Variants in AOAH observed in about 807,000 individuals in gnomAD.
AOAH encodes acyloxyacyl hydrolase.
A neutral mutation model predicts 92.2 loss-of-function variants in AOAH; 64 were observed. The ratio of observed to expected loss-of-function variants is 0.69; its 90% CI spans 0.57 to 0.86. AOAH has a LOEUF of 0.86. AOAH is among the 40% of genes least tolerant of loss of function. The pLI is 0.00. For missense variants in AOAH, 656 were observed against 694.6 expected, an observed-to-expected ratio of 0.94 and a Z score of 0.62; for synonymous variants, 263 against 254.5, an observed-to-expected ratio of 1.03 and a Z score of -0.32.
At chr7:36,655,245 G>A (rs1388900258) in intron 4 of AOAH, among the ~76,000 whole-genome samples, 5 of 152,200 alleles carry the variant, frequency 3.3e-5, no homozygotes, top group African/African-American at 7.2e-5. Flanking sequence ...TTAAATGCAT[G>A]AATACACATA....
chr7:36,606,806 T>C (rs1415836253), intron 11 of AOAH, among the ~76,000 whole-genome samples: 1 of 152,218 alleles, frequency 6.6e-6, no homozygotes, highest in Non-Finnish European at 1.5e-5. Context: ...GGATTTGCTC[T>C]TCATCTTCCT....
chr7:36,571,048 G>A (rs1373898704), intron 13 of AOAH, among the ~76,000 whole-genome samples: 2 of 152,134 alleles, frequency 1.3e-5, no homozygotes, highest in Non-Finnish European at 2.9e-5. Flanking sequence ...CTCGCCTGCT[G>A]AGTCAGGTGG....
intron 6 of AOAH, among the ~76,000 whole-genome samples, chr7:36,628,089 A>G (rs978131975): frequency 7.2e-5 from 11 of 152,104 alleles, no homozygotes; most frequent in African/African-American, 2.7e-4. Context: ...CTGCCTATAG[A>G]CGTGGCTCAG....
chr7:36,610,957 G>T (rs879089334), intron 11 of AOAH, among the ~76,000 whole-genome samples: 1 of 152,200 alleles, frequency 6.6e-6, no homozygotes, highest in Non-Finnish European at 1.5e-5. Context: ...GCTGATCCCA[G>T]ACCACCCCGG....
In AOAH at chr7:36,706,874, GA is replaced by G. The variant is rs796783060; in HGVS notation, c.127+17147del. 9.9e-5 allele frequency among the ~76,000 whole-genome samples: 15 copies of G among 152,188 alleles called. 1 individual carries two copies. The highest frequency in any genetic ancestry group is 4.1e-4 in the South Asian group (2 of 4,828). On this transcript the variant is annotated intron_variant, in intron 1 of 20. Transcript: ENST00000617537. ...CTCTCCTAGCCTTCATAGAATTGAA[GA>G]GAGCTAGGATTAGGCTTTGGCTTAG...
chr7:36,710,083 T>A (rs1244153821), intron 1 of AOAH, among the ~76,000 whole-genome samples: 4 of 152,200 alleles, frequency 2.6e-5, no homozygotes, highest in Admixed American at 2.0e-4. Context: ...TTATAATATT[T>A]CTGCCTCCTG....
intron 4 of AOAH, among the ~76,000 whole-genome samples, chr7:36,644,778 A>G (rs1271228825): frequency 6.6e-6 from 1 of 152,194 alleles, no homozygotes; most frequent in Non-Finnish European, 1.5e-5. Context: ...TAGATTTGAA[A>G]AGTACAAAAT....
intron 1 of AOAH, among the ~76,000 whole-genome samples, chr7:36,720,907 T>C (rs1297566172): frequency 3.3e-5 from 5 of 152,154 alleles, no homozygotes; most frequent in African/African-American, 4.8e-5. Context: ...TGTCAGAAAG[T>C]TGTTAGGGTG....
At chr7:36,643,579 A>G (rs1188631895) in intron 4 of AOAH, among the ~76,000 whole-genome samples, 1 of 152,200 alleles carries the variant, frequency 6.6e-6, no homozygotes, top group African/African-American at 2.4e-5. Flanking sequence ...CTTCCATTCA[A>G]TCATTTTTTT....
intron 20 of AOAH, 39 bp from the exon 21 acceptor site, chr7:36,513,419 T>A (rs747031256): frequency 6.3e-7 from 1 of 1,598,014 alleles, no homozygotes; most frequent in African/African-American, 1.3e-5. Flanking sequence ...AAAGGGAAAT[T>A]AGGACAAATC....
chr7:36,647,892 G>A (rs1320727360), intron 4 of AOAH, among the ~76,000 whole-genome samples: 1 of 151,394 alleles, frequency 6.6e-6, no homozygotes, highest in African/African-American at 2.4e-5. Context: ...GTGCAGTGGC[G>A]TTATCTTGGC....
At chr7:36,556,099 C>T (rs1440956879) in intron 13 of AOAH, among the ~76,000 whole-genome samples, 1 of 151,990 alleles carries the variant, frequency 6.6e-6, no homozygotes, top group African/African-American at 2.4e-5. Context: ...TGGATCTTTC[C>T]TGCTTTCTCT....
chr7:36,688,951 A>G (rs1434697689), intron 1 of AOAH, among the ~76,000 whole-genome samples: 4 of 152,120 alleles, frequency 2.6e-5, no homozygotes, highest in African/African-American at 9.7e-5. Context: ...ATACACACAC[A>G]TATGTATGTG....
At chr7:36,576,760 G>C (rs1788532512) in intron 12 of AOAH, 104 bp from the exon 13 acceptor site, 3 of 550,246 alleles carry the variant, frequency 5.5e-6, no homozygotes, top group Non-Finnish European at 9.1e-6. Flanking sequence ...TGGTTAAAAT[G>C]AACTCAAAAA....
chr7:36,608,317 A>C (rs1372713160), intron 11 of AOAH, among the ~76,000 whole-genome samples: 1 of 152,176 alleles, frequency 6.6e-6, no homozygotes, highest in African/African-American at 2.4e-5. Flanking sequence ...TCCCAGCCTC[A>C]ACTCTTCTGG....
intron 6 of AOAH, among the ~76,000 whole-genome samples, chr7:36,626,911 G>A (rs780054429): frequency 2.0e-5 from 3 of 152,152 alleles, no homozygotes; most frequent in Non-Finnish European, 4.4e-5. Flanking sequence ...GAGGCAATGT[G>A]CCCGGCAACT....
chr7:36,657,456 A>G (rs1562666035), intron 4 of AOAH, among the ~76,000 whole-genome samples: 2 of 152,356 alleles, frequency 1.3e-5, no homozygotes, highest in East Asian at 3.9e-4. Context: ...GTGAGTGCCC[A>G]GTCAATGTCA....
chr7:36,643,425 T>C (rs1352412126), intron 4 of AOAH, among the ~76,000 whole-genome samples: 1 of 152,100 alleles, frequency 6.6e-6, no homozygotes, highest in Non-Finnish European at 1.5e-5. Context: ...GGAGCGAGGA[T>C]GGTTTAATGC....
intron 14 of AOAH, 145 bp downstream of exon 14, chr7:36,549,294 C>T: frequency 1.5e-6 from 1 of 661,732 alleles, no homozygotes; most frequent in Admixed American, 2.7e-5. Context: ...TGCTCACTGG[C>T]CCAAGGAGTG....
Sources: allele counts gnomAD v4.1 joint callset (sites outside exome capture counted in the v4.1 genomes callset), GRCh38; gene constraint gnomAD v4.1.1; transcripts MANE v1.5; gene names NCBI Gene and HGNC (gene_info 2026-07-23, HGNC 2026-07-21).